DPYD: variants seen among roughly 807,000 people sequenced by gnomAD.
DPYD encodes dihydropyrimidine dehydrogenase [NADP(+)].
DPYD carries 109 observed loss-of-function variants against 116.2 expected under a neutral mutation model. The ratio of observed to expected loss-of-function variants is 0.94; its 90% CI spans 0.80 to 1.10. The LOEUF (loss-of-function observed/expected upper bound fraction) is 1.10, where lower values mean the gene tolerates loss of function less well. DPYD is among the 50% of genes least tolerant of loss of function. DPYD has a pLI of 0.00. For missense variants in DPYD, 1,302 were observed against 1,254.5 expected, an observed-to-expected ratio of 1.04 and a Z score of -0.57; for synonymous variants, 440 against 432.0, an observed-to-expected ratio of 1.02 and a Z score of -0.23.
At chr1:97,670,098 C>T (rs1056168821) in intron 8 of DPYD, among the ~76,000 whole-genome samples, 6 of 152,014 alleles carry the variant, frequency 3.9e-5, no homozygotes, top group Non-Finnish European at 8.8e-5. Flanking sequence ...TTACAGTGGG[C>T]GGAGGGGAAG....
chr1:97,765,412 G>A lies in DPYD; in HGVS notation c.234-24933C>T, dbSNP rs76629925. 4.5e-3 allele frequency among the ~76,000 whole-genome samples: 679 copies of A among 152,294 alleles called. 14 individuals are homozygous for A. The highest frequency in any genetic ancestry group is 0.015 in the African/African-American group (637 of 41,558). On this transcript the variant is annotated intron_variant, in intron 3 of 22. Coordinates refer to ENST00000370192, the MANE Select transcript of DPYD (RefSeq NM_000110.4). ...CATTACTCTGAGGCAGATCACTGGAGCTATTCAGGTATAAGCTCACAGGAC... is the reference window on the plus strand; with the variant it reads ...CATTACTCTGAGGCAGATCACTGGAACTATTCAGGTATAAGCTCACAGGAC...
intron 13 of DPYD, among the ~76,000 whole-genome samples, chr1:97,467,835 A>G (rs1305027365): frequency 2.6e-5 from 4 of 152,188 alleles, no homozygotes; most frequent in African/African-American, 7.2e-5. Flanking sequence ...CCATATCCCA[A>G]TGCTTTAGGG....
At chr1:97,288,125 A>G in intron 18 of DPYD, among the ~76,000 whole-genome samples, 1 of 151,802 alleles carries the variant, frequency 6.6e-6, no homozygotes. Context: ...CAATTCAACA[A>G]GAAAAGCTAA....
intron 13 of DPYD, among the ~76,000 whole-genome samples, chr1:97,492,961 T>C (rs1679051892): frequency 6.6e-6 from 1 of 152,190 alleles, no homozygotes; most frequent in African/African-American, 2.4e-5. Flanking sequence ...AAAATGCTAA[T>C]GATACCGAAG....
intron 1 of DPYD, among the ~76,000 whole-genome samples, chr1:97,915,944 A>G (rs185613746): frequency 8.7e-4 from 133 of 152,216 alleles, no homozygotes; most frequent in Middle Eastern, 3.4e-3. Flanking sequence ...TAGTGTTCCA[A>G]ACTATTACTT....
At chr1:97,357,707 G>A (rs1439427484) in intron 16 of DPYD, among the ~76,000 whole-genome samples, 1 of 152,070 alleles carries the variant, frequency 6.6e-6, no homozygotes, top group Non-Finnish European at 1.5e-5. Flanking sequence ...ACCCTTCTGA[G>A]TCTCCAGTGA....
At chr1:97,222,104 A>G (rs575800438) in intron 19 of DPYD, among the ~76,000 whole-genome samples, 4 of 152,220 alleles carry the variant, frequency 2.6e-5, no homozygotes, top group African/African-American at 9.6e-5. Flanking sequence ...AACAACTGAG[A>G]TTTTCTTTCA....
chr1:97,244,681 A>G (rs1431123653), intron 18 of DPYD, among the ~76,000 whole-genome samples: 4 of 152,042 alleles, frequency 2.6e-5, no homozygotes, highest in African/African-American at 9.7e-5. Context: ...ATCTACGAAT[A>G]TGTATAATAC....
intron 18 of DPYD, among the ~76,000 whole-genome samples, chr1:97,257,452 T>TATATAG (rs375490078): frequency 5.3e-4 from 67 of 126,470 alleles, no homozygotes; most frequent in African/African-American, 1.5e-3. Context: ...TATATATATA[T>TATATAG]AGAGAGAGAG....
rs187392439 is a variant in DPYD, at chr1:97,088,908, T to C, written c.2767-6438A>G. Among the ~76,000 whole-genome samples, 5 of 152,320 alleles carry C rather than the reference T, an allele frequency of 3.3e-5. No individual in the cohort carries two copies. The East Asian group carries it at 9.7e-4, about 29-fold the overall frequency. ...ATATTAACCTTGTTCCCAGCCCATT[T>C]CTCTGGTATCTTTTGGAAATTGCTG... On this transcript the variant is annotated intron_variant, in intron 21 of 22. Coordinates refer to ENST00000370192, the MANE Select transcript of DPYD (RefSeq NM_000110.4).
intron 2 of DPYD, among the ~76,000 whole-genome samples, chr1:97,839,117 C>G (rs897057025): frequency 3.3e-5 from 5 of 152,268 alleles, no homozygotes; most frequent in African/African-American, 1.2e-4. Flanking sequence ...TTTCCAAAAC[C>G]ACTTCCTTTA....
intron 8 of DPYD, among the ~76,000 whole-genome samples, chr1:97,654,290 T>G (rs1476909350): frequency 2.0e-5 from 3 of 152,206 alleles, no homozygotes; most frequent in Admixed American, 2.0e-4. Flanking sequence ...ATGAAATTAT[T>G]AGAAATCAAT....
chr1:97,314,141 G>A (rs184507698), intron 16 of DPYD, among the ~76,000 whole-genome samples: 1 of 151,992 alleles, frequency 6.6e-6, no homozygotes, highest in East Asian at 2.0e-4. Context: ...GTCTCCTACT[G>A]TGGCCTAGAA....
At chr1:97,879,545 A>G (rs1672083005) in intron 2 of DPYD, among the ~76,000 whole-genome samples, 1 of 151,962 alleles carries the variant, frequency 6.6e-6, no homozygotes, top group Non-Finnish European at 1.5e-5. Flanking sequence ...CCTGCTTAAA[A>G]TATACTGGAA....
chr1:97,199,341 A>G (rs1445833719), intron 19 of DPYD, among the ~76,000 whole-genome samples: 1 of 152,094 alleles, frequency 6.6e-6, no homozygotes, highest in African/African-American at 2.4e-5. Flanking sequence ...CACAGAAGTC[A>G]AGCAGAATAG....
intron 13 of DPYD, among the ~76,000 whole-genome samples, chr1:97,499,875 C>T (rs988719435): frequency 6.6e-6 from 1 of 151,846 alleles, no homozygotes; most frequent in African/African-American, 2.4e-5. Flanking sequence ...ACAACTGCAA[C>T]CTAATGTTCT....
intron 12 of DPYD, among the ~76,000 whole-genome samples, chr1:97,529,346 A>T (rs1649385781): frequency 6.6e-6 from 1 of 152,226 alleles, no homozygotes; most frequent in African/African-American, 2.4e-5. Context: ...AACAGTTAAC[A>T]GAGTATCTTT....
At chr1:97,561,085 G>A (rs1652111351) in intron 11 of DPYD, among the ~76,000 whole-genome samples, 1 of 152,142 alleles carries the variant, frequency 6.6e-6, no homozygotes, top group Non-Finnish European at 1.5e-5. Flanking sequence ...TAAGAAGTTT[G>A]TTACAATAAA....
At chr1:97,525,539 T>G (rs572055444) in intron 12 of DPYD, among the ~76,000 whole-genome samples, 3 of 152,160 alleles carry the variant, frequency 2.0e-5, no homozygotes, top group Non-Finnish European at 4.4e-5. Flanking sequence ...TGTATTAGAC[T>G]AGTGACCTTG....
Sources: gnomAD v4.1 joint callset for allele counts (sites outside exome capture counted in the v4.1 genomes callset) on GRCh38, gnomAD v4.1.1 for gene constraint, MANE v1.5 for transcripts, NCBI Gene and HGNC (gene_info 2026-07-23, HGNC 2026-07-21) for gene names.